GPHN: variants seen among roughly 807,000 people sequenced by gnomAD.
GPHN encodes gephyrin.
Under a neutral mutation model 95.5 loss-of-function variants are expected in GPHN, and 17 were observed. The observed-to-expected ratio is 0.18, with a 90% CI of 0.12 to 0.27. GPHN has a LOEUF of 0.27. Ranked by LOEUF, GPHN falls within the 10% of genes least tolerant of loss-of-function variation. GPHN has a pLI of 1.00. For missense variants in GPHN, 660 were observed against 978.1 expected, an observed-to-expected ratio of 0.67 and a Z score of 4.34; for synonymous variants, 320 against 322.5, an observed-to-expected ratio of 0.99 and a Z score of 0.08.
the GPHN span, among the ~76,000 whole-genome samples, chr14:67,307,093 T>C: frequency 6.6e-6 from 1 of 152,224 alleles, no homozygotes; most frequent in African/African-American, 2.4e-5. Context: ...CTTAAATTTC[T>C]TTTGTATCAC....
chr14:66,661,161 G>C (rs1302175667), intron 1 of GPHN, among the ~76,000 whole-genome samples: 2 of 152,164 alleles, frequency 1.3e-5, no homozygotes, highest in Middle Eastern at 3.2e-3. Flanking sequence ...AAGAAGCATT[G>C]ATCTGTGGGC....
chr14:66,598,687 A>G (rs1391572757), intron 1 of GPHN, among the ~76,000 whole-genome samples: 1 of 152,134 alleles, frequency 6.6e-6, no homozygotes, highest in African/African-American at 2.4e-5. Context: ...TCTACTAAAA[A>G]TACAAAAATT....
intron 21 of GPHN, among the ~76,000 whole-genome samples, chr14:67,176,780 C>T (rs752859507): frequency 3.3e-5 from 5 of 152,106 alleles, no homozygotes; most frequent in African/African-American, 4.8e-5. Context: ...TTCAGAGATT[C>T]GACTTCTTCC....
the GPHN span, among the ~76,000 whole-genome samples, chr14:67,461,940 C>T: frequency 6.6e-6 from 1 of 152,224 alleles, no homozygotes; most frequent in South Asian, 2.1e-4. Flanking sequence ...CTGTTCTGAC[C>T]TTTGGCTTTG....
At chr14:67,027,522 G>C (rs1357683121) in intron 10 of GPHN, among the ~76,000 whole-genome samples, 1 of 152,048 alleles carries the variant, frequency 6.6e-6, no homozygotes, top group African/African-American at 2.4e-5. Context: ...GTAGAGACAG[G>C]GTTTCACTAT....
chr14:66,745,406 A>G (rs1054775716), intron 2 of GPHN, among the ~76,000 whole-genome samples: 1 of 152,086 alleles, frequency 6.6e-6, no homozygotes, highest in Non-Finnish European at 1.5e-5. Context: ...TACTCTTATC[A>G]TATGCTGGAA....
intron 16 of GPHN, among the ~76,000 whole-genome samples, chr14:67,115,493 G>A (rs1020760778): frequency 7.9e-5 from 12 of 152,162 alleles, no homozygotes; most frequent in Non-Finnish European, 1.6e-4. Context: ...AGCACTTTGG[G>A]AGGCCAAGGC....
chr14:67,520,272 AT>A, the GPHN span, among the ~76,000 whole-genome samples: 4 of 152,216 alleles, frequency 2.6e-5, no homozygotes, highest in African/African-American at 4.8e-5. Flanking sequence ...ATTGACATGT[AT>A]CCACCATTTA....
intron 4 of GPHN, among the ~76,000 whole-genome samples, chr14:66,836,742 T>A (rs1221777339): frequency 6.6e-5 from 10 of 150,426 alleles, no homozygotes; most frequent in Admixed American, 6.6e-4. Context: ...CAAACAAATT[T>A]ACAAGAAAAA....
chr14:66,972,350 T>A (rs978997584), intron 9 of GPHN, among the ~76,000 whole-genome samples: 4 of 151,916 alleles, frequency 2.6e-5, no homozygotes. Context: ...TAGTTTTTTC[T>A]TAAATTGACA....
At chr14:67,688,697 A>T in the GPHN span, among the ~76,000 whole-genome samples, 1 of 151,868 alleles carries the variant, frequency 6.6e-6, no homozygotes, top group Admixed American at 6.6e-5. Flanking sequence ...GGCCTCCTAA[A>T]GTGCCTGGGA....
At chr14:66,941,209 G>A (rs550477743) in intron 8 of GPHN, among the ~76,000 whole-genome samples, 1 of 151,960 alleles carries the variant, frequency 6.6e-6, no homozygotes, top group East Asian at 1.9e-4. Context: ...AATGACAAAT[G>A]TATAAATTGT....
the GPHN span, among the ~76,000 whole-genome samples, chr14:67,420,465 T>C: frequency 4.6e-5 from 7 of 152,208 alleles, no homozygotes; most frequent in African/African-American, 1.2e-4. Context: ...GGTGGAAGGA[T>C]TGAATTCTGA....
the GPHN span, among the ~76,000 whole-genome samples, chr14:67,192,848 A>G: frequency 5.5e-5 from 8 of 146,304 alleles, no homozygotes; most frequent in Non-Finnish European, 1.2e-4. Context: ...ATATCTATAT[A>G]TAGATATACA....
chr14:67,406,361 C>A, the GPHN span, among the ~76,000 whole-genome samples: 1 of 151,876 alleles, frequency 6.6e-6, no homozygotes, highest in African/African-American at 2.4e-5. Flanking sequence ...TCAGGAGAGG[C>A]TGAGGTGGGG....
the GPHN span, among the ~76,000 whole-genome samples, chr14:67,297,517 A>T: frequency 6.6e-6 from 1 of 152,218 alleles, no homozygotes; most frequent in Admixed American, 6.5e-5. Context: ...CATGATTGCG[A>T]ATCTACTGAA....
At chr14:66,755,209 A>AT (rs1404351710) in intron 2 of GPHN, among the ~76,000 whole-genome samples, 1 of 152,106 alleles carries the variant, frequency 6.6e-6, no homozygotes, top group African/African-American at 2.4e-5. Context: ...CAAGCCAAAT[A>AT]TTTTTAAGCA....
chr14:67,577,182 C>G, the GPHN span: 3 of 700,898 alleles, frequency 4.3e-6, no homozygotes, highest in East Asian at 5.4e-5. Flanking sequence ...CCAGCACAAC[C>G]CAAGTGTTGA....
chr14:66,752,930 T>C (rs1179903567), intron 2 of GPHN, among the ~76,000 whole-genome samples: 1 of 122,036 alleles, frequency 8.2e-6, no homozygotes, highest in East Asian at 2.5e-4. Flanking sequence ...GCAATAGGAG[T>C]GGTTAAAAAA....
Sources: allele counts gnomAD v4.1 joint callset (sites outside exome capture counted in the v4.1 genomes callset), GRCh38; gene constraint gnomAD v4.1.1; transcripts MANE v1.5; gene names NCBI Gene and HGNC (gene_info 2026-07-23, HGNC 2026-07-21).